Variants in INPP5A observed in about 807,000 individuals in gnomAD.
INPP5A encodes 43 kDa inositol polyphosphate 5-phophatase.
Under a neutral mutation model 65.2 loss-of-function variants are expected in INPP5A, and 14 were observed. The ratio of observed to expected loss-of-function variants is 0.21; its 90% confidence interval spans 0.14 to 0.34. The LOEUF (loss-of-function observed/expected upper bound fraction) is 0.34. Ranked by LOEUF, INPP5A falls within the 10% of genes least tolerant of loss-of-function variation. The pLI, the probability that INPP5A is intolerant of heterozygous loss-of-function variation, is 1.00. For missense variants in INPP5A, 431 were observed against 545.6 expected (o/e 0.79, Z 2.09); for synonymous variants, 207 against 208.3 (o/e 0.99, Z 0.05).
At chr10:132,679,435 A>G (rs759649769) in intron 4 of INPP5A, among the ~76,000 whole-genome samples, 16 of 152,138 alleles carry the variant, frequency 1.1e-4, no homozygotes, top group Non-Finnish European at 2.2e-4. Context: ...TGCTGTACAC[A>G]CAAGAGCTGC....
At chr10:132,760,018 C>T (rs1179763424) in intron 11 of INPP5A, among the ~76,000 whole-genome samples, 1 of 152,218 alleles carries the variant, frequency 6.6e-6, no homozygotes, top group Non-Finnish European at 1.5e-5. Context: ...ACCCTGGCGG[C>T]CAGAGGCAGG....
At chr10:132,577,908 G>A (rs1340097003) in intron 1 of INPP5A, among the ~76,000 whole-genome samples, 2 of 152,334 alleles carry the variant, frequency 1.3e-5, no homozygotes, top group Non-Finnish European at 2.9e-5. Context: ...CCCTGTCCTC[G>A]AGGGGTTCAG....
chr10:132,758,567 G>A (rs541964016), intron 11 of INPP5A, among the ~76,000 whole-genome samples: 1 of 150,294 alleles, frequency 6.7e-6, no homozygotes, highest in South Asian at 2.1e-4. Flanking sequence ...ATGGGCCAGT[G>A]CAATGTCGTT....
At chr10:132,715,676 G>C (rs555044156) in intron 8 of INPP5A, among the ~76,000 whole-genome samples, 1 of 152,222 alleles carries the variant, frequency 6.6e-6, no homozygotes, top group South Asian at 2.1e-4. Context: ...AAGCTGCTGC[G>C]TCTCCAGGCA....
At chr10:132,646,599 C>T (rs1393143464) in intron 3 of INPP5A, among the ~76,000 whole-genome samples, 3 of 152,194 alleles carry the variant, frequency 2.0e-5, no homozygotes, top group South Asian at 4.1e-4. Flanking sequence ...AGGCCGCAGC[C>T]GTGAAGCCCG....
intron 2 of INPP5A, among the ~76,000 whole-genome samples, chr10:132,639,808 C>T (rs1163061549): frequency 1.3e-5 from 2 of 152,186 alleles, no homozygotes; most frequent in Admixed American, 1.3e-4. Flanking sequence ...TTTCTACTGA[C>T]TTATTTTCAG....
At chr10:132,569,580 A>C (rs958448482) in intron 1 of INPP5A, among the ~76,000 whole-genome samples, 2 of 151,642 alleles carry the variant, frequency 1.3e-5, no homozygotes, top group African/African-American at 2.4e-5. Context: ...CTGGTCTCGA[A>C]CTCCTGAGTG....
chr10:132,777,596 T>A lies in INPP5A; in HGVS notation c.978-75T>A, dbSNP rs1459160587. 3.8e-6 allele frequency: 5 copies of A among 1,326,880 alleles called. No homozygotes were observed. The African/African-American group carries it at 4.3e-5, about 11-fold the overall frequency. 82.2% of individuals were successfully genotyped at this position (1,326,880 alleles called of 1,614,324 possible). ...CATTCTAAGGTGTATTGGGAGAGAA[T>A]CGGCACAGCCGTCCCTTTGGGGCTG... On this transcript the variant is annotated intron_variant, in intron 12 of 15. Coordinates refer to ENST00000368594, the MANE Select transcript of INPP5A (RefSeq NM_005539.5).
At chr10:132,660,388 A>G (rs1190019156) in intron 4 of INPP5A, among the ~76,000 whole-genome samples, 1 of 152,272 alleles carries the variant, frequency 6.6e-6, no homozygotes, top group Non-Finnish European at 1.5e-5. Flanking sequence ...TACTGTTTTC[A>G]TAGTGTGCCT....
intron 2 of INPP5A, among the ~76,000 whole-genome samples, chr10:132,610,408 G>A (rs1203383785): frequency 6.6e-6 from 1 of 152,348 alleles, no homozygotes; most frequent in African/African-American, 2.4e-5. Context: ...GGGTTGCCCC[G>A]GGCCTAGCTC....
At chr10:132,755,742 C>T (rs184935352) in intron 11 of INPP5A, among the ~76,000 whole-genome samples, 118 of 152,118 alleles carry the variant, frequency 7.8e-4, no homozygotes, top group African/African-American at 2.3e-3. Flanking sequence ...TAGCGGCAGC[C>T]GCTGAGGCCT....
At chr10:132,699,466 A>G (rs1440506244) in intron 6 of INPP5A, among the ~76,000 whole-genome samples, 1 of 151,994 alleles carries the variant, frequency 6.6e-6, no homozygotes, top group Non-Finnish European at 1.5e-5. Flanking sequence ...TTGACCCGGC[A>G]CCTCGTCTCA....
rs2071304348 is a variant in INPP5A at position 132,568,898 on chromosome 10, T to C, written c.75+30727T>C. Among the ~76,000 whole-genome samples the C allele has an allele frequency of 2.0e-5, 3 of 151,482 alleles. No individual in the cohort carries two copies. In the South Asian group the frequency reaches 6.2e-4, roughly 32 times the overall value. Reference sequence around the variant, plus strand: ...GAGCAAGGCAACATAGATCACAATATGTTCTTACCGGCATTTTTTTTTTTT... The same window carrying C: ...GAGCAAGGCAACATAGATCACAATACGTTCTTACCGGCATTTTTTTTTTTT... On this transcript the variant is annotated intron_variant, in intron 1 of 15. Transcript: ENST00000368594.
At chr10:132,691,526 G>A (rs1187217208) in intron 5 of INPP5A, among the ~76,000 whole-genome samples, 1 of 152,226 alleles carries the variant, frequency 6.6e-6, no homozygotes, top group Admixed American at 6.5e-5. Context: ...GCCGTGCCGC[G>A]GATCTGCAGA....
At position 132,621,591 on chromosome 10, in the gene INPP5A, A is replaced by T. The variant is rs184808902; in HGVS notation, c.117+13635A>T. Among the ~76,000 whole-genome samples, 5 of 152,300 alleles carry T rather than the reference A, an allele frequency of 3.3e-5. No homozygotes were observed. The East Asian group carries it at 9.6e-4, about 29-fold the overall frequency. ...TGAGTCTCTGATTAGCCTTTTACTG[A>T]ATACACAGTTTACATGTGAGGGGGT... On this transcript the variant is annotated intron_variant, in intron 2 of 15. Coordinates refer to ENST00000368594, the MANE Select transcript of INPP5A (RefSeq NM_005539.5).
intron 1 of INPP5A, among the ~76,000 whole-genome samples, chr10:132,596,848 CGTGTGTGTGCATGTGTGTGCATGT>C (rs1485271989): frequency 1.5e-5 from 2 of 132,132 alleles, no homozygotes; most frequent in Middle Eastern, 4.1e-3. Flanking sequence ...TGTGTGCATG[CGTGTGTGTGCATGTGTGTGCATGT>C]GTGTGCATGC....
rs546333397 is a variant in INPP5A at position 132,625,009 on chromosome 10, C to T, written c.117+17053C>T. On this transcript the variant is annotated intron_variant, in intron 2 of 15. Coordinates refer to ENST00000368594, the MANE Select transcript of INPP5A (RefSeq NM_005539.5). Reference sequence around the variant, plus strand: ...ACTGTCCCTGCTGCCACCCTGCCCACGCCACAGTCCACTCTCCTTGGTTGG... The same window carrying T: ...ACTGTCCCTGCTGCCACCCTGCCCATGCCACAGTCCACTCTCCTTGGTTGG... Among the ~76,000 whole-genome samples, 20 of 152,228 alleles carry T rather than the reference C, an allele frequency of 1.3e-4. 1 individual carries two copies. In the South Asian group the frequency reaches 3.3e-3, roughly 25 times the overall value.
At chr10:132,720,378 G>A (rs1236789907) in intron 8 of INPP5A, among the ~76,000 whole-genome samples, 3 of 144,986 alleles carry the variant, frequency 2.1e-5, no homozygotes, top group Non-Finnish European at 3.0e-5. Flanking sequence ...CCTGGGTTCT[G>A]TCTGGGCACC....
chr10:132,636,599 C>T (rs1056189745), intron 2 of INPP5A, among the ~76,000 whole-genome samples: 2 of 152,242 alleles, frequency 1.3e-5, no homozygotes, highest in African/African-American at 4.8e-5. Flanking sequence ...TCGCTCCTGT[C>T]CCTTGGGGCT....
Sources: allele counts gnomAD v4.1 joint callset (sites outside exome capture counted in the v4.1 genomes callset), GRCh38; gene constraint gnomAD v4.1.1; transcripts MANE v1.5; gene names NCBI Gene and HGNC (gene_info 2026-07-23, HGNC 2026-07-21).